The following PLAAT1 variants were observed in gnomAD, a reference collection of about 807,000 sequenced individuals.
The protein encoded by PLAAT1 is H-REV107 protein-related protein.
PLAAT1 carries 13 observed loss-of-function variants against 16.4 expected under a neutral mutation model. The observed-to-expected ratio is 0.79, with a 90% confidence interval of 0.52 to 1.26. The LOEUF is 1.26. Among genes scored for constraint, PLAAT1 ranks in the 50% most tolerant of loss-of-function variants. The pLI, the probability that PLAAT1 is intolerant of heterozygous loss-of-function variation, is 0.00. For missense variants in PLAAT1, 218 were observed against 207.8 expected, an observed-to-expected ratio of 1.05 and a Z score of -0.30; for synonymous variants, 73 against 78.4, an observed-to-expected ratio of 0.93 and a Z score of 0.36.
chr3:193,242,869 A>C (rs545698433), intron 1 of PLAAT1, among the ~76,000 whole-genome samples: 1 of 152,210 alleles, frequency 6.6e-6, no homozygotes, highest in Admixed American at 6.5e-5. Flanking sequence ...GCCTTGGGCC[A>C]GGGGTAGCCT....
Position 193,241,298 on chromosome 3 carries a change from A to G in PLAAT1, c.-236A>G. The stretch of plus-strand genomic sequence containing the variant: ...CGGCCCCCCGGCGTGCGGGCGTCTC[A>G]GAGCCGCGGAGGGGCCGCCGGGACC... On this transcript the variant is annotated 5_prime_UTR_variant, in exon 1 of 4. Coordinates refer to ENST00000264735, the MANE Select transcript of PLAAT1 (RefSeq NM_020386.5). 1.5e-5 allele frequency: 18 copies of G among 1,230,870 alleles called. No homozygotes were observed. The highest frequency in any genetic ancestry group is 1.8e-5 in the Non-Finnish European group (18 of 987,434). 76.2% of individuals were successfully genotyped at this position (1,230,870 alleles called of 1,614,324 possible).
chr3:193,241,979 A>G (rs1283875959), intron 1 of PLAAT1, among the ~76,000 whole-genome samples: 1 of 152,090 alleles, frequency 6.6e-6, no homozygotes, highest in Non-Finnish European at 1.5e-5. Flanking sequence ...TGTGCGAGGC[A>G]CTCTCACCGG....
intron 2 of PLAAT1, among the ~76,000 whole-genome samples, chr3:193,260,265 C>G (rs1453258886): frequency 6.6e-6 from 1 of 152,036 alleles, no homozygotes; most frequent in Admixed American, 6.6e-5. Context: ...AGAAGAAAAC[C>G]TAGGAAACAC....
chr3:193,275,178 T>A (rs1717131741), downstream of PLAAT1: 11 of 1,614,194 alleles, frequency 6.8e-6, no homozygotes, highest in South Asian at 1.1e-5. Context: ...ATCTGTCCTG[T>A]TTATGGGAGG....
downstream of PLAAT1, among the ~76,000 whole-genome samples, chr3:193,273,135 T>C (rs745406366): frequency 6.6e-6 from 1 of 152,176 alleles, no homozygotes; most frequent in Non-Finnish European, 1.5e-5. Context: ...TAAAAAATCT[T>C]TTTATGCTAT....
At chr3:193,246,796 T>A (rs1429984381) in intron 1 of PLAAT1, among the ~76,000 whole-genome samples, 1 of 152,258 alleles carries the variant, frequency 6.6e-6, no homozygotes, top group Non-Finnish European at 1.5e-5. Context: ...TTTGCATTTG[T>A]GTTCATCAGG....
At chr3:193,272,465 C>CAAAACA (rs1553807745), downstream of PLAAT1, among the ~76,000 whole-genome samples, 3 of 151,484 alleles carry the variant, frequency 2.0e-5, no homozygotes, top group Non-Finnish European at 4.4e-5. Flanking sequence ...CAAAACAAAA[C>CAAAACA]AAAAAAACCC....
intron 2 of PLAAT1, among the ~76,000 whole-genome samples, chr3:193,259,903 C>T (rs1716520253): frequency 6.6e-6 from 1 of 151,592 alleles, no homozygotes; most frequent in African/African-American, 2.4e-5. Context: ...AAAAAGAGCC[C>T]AAGTAGCAAA....
intron 1 of PLAAT1, among the ~76,000 whole-genome samples, chr3:193,252,278 GGATCCACTCCCAT>G (rs1317850123): frequency 2.6e-5 from 4 of 152,066 alleles, no homozygotes; most frequent in Non-Finnish European, 5.9e-5. Context: ...CATTCATGAG[GGATCCACTCCCAT>G]GATCCACATG....
chr3:193,265,148 C>A (rs539993071), intron 3 of PLAAT1, among the ~76,000 whole-genome samples: 1 of 152,250 alleles, frequency 6.6e-6, no homozygotes, highest in African/African-American at 2.4e-5. Context: ...CTATTGTAAT[C>A]CTAGGTATAT....
At chr3:193,243,153 A>G (rs1216358018) in intron 1 of PLAAT1, among the ~76,000 whole-genome samples, 1 of 152,236 alleles carries the variant, frequency 6.6e-6, no homozygotes, top group African/African-American at 2.4e-5. Context: ...GCCACTCTTT[A>G]TTATAAACTG....
chr3:193,259,324 G>A (rs1462426261), intron 2 of PLAAT1, among the ~76,000 whole-genome samples: 2 of 152,130 alleles, frequency 1.3e-5, no homozygotes, highest in African/African-American at 2.4e-5. Context: ...AGCAAGATAA[G>A]GGTGTTCACT....
downstream of PLAAT1, chr3:193,279,559 T>A: frequency 1.2e-6 from 1 of 807,026 alleles, no homozygotes; most frequent in Non-Finnish European, 2.1e-6. Context: ...ACCAGATATA[T>A]CTTCAGATGT....
At chr3:193,261,716 G>A (rs1293945584) in intron 2 of PLAAT1, among the ~76,000 whole-genome samples, 1 of 152,102 alleles carries the variant, frequency 6.6e-6, no homozygotes, top group Admixed American at 6.6e-5. Flanking sequence ...CCATATTATT[G>A]TGGTTTGAGC....
chr3:193,262,819 T>C, intron 2 of PLAAT1, 151 bp from the exon 3 acceptor site: 1 of 742,674 alleles, frequency 1.3e-6, no homozygotes, highest in Non-Finnish European at 2.3e-6. Flanking sequence ...AATAACTGCT[T>C]AAGGCTGATG....
chr3:193,279,596 A>G, downstream of PLAAT1: 1 of 640,768 alleles, frequency 1.6e-6, no homozygotes, highest in East Asian at 2.8e-5. Flanking sequence ...ATGTTTTGAA[A>G]TATGTTCTAA....
At chr3:193,252,266 G>C (rs1284047783) in intron 1 of PLAAT1, among the ~76,000 whole-genome samples, 2 of 152,060 alleles carry the variant, frequency 1.3e-5, no homozygotes, top group African/African-American at 4.8e-5. Context: ...GTTGGCATTA[G>C]CCATTCATGA....
At chr3:193,248,213 A>G (rs2108780875) in intron 1 of PLAAT1, among the ~76,000 whole-genome samples, 1 of 152,286 alleles carries the variant, frequency 6.6e-6, no homozygotes, top group African/African-American at 2.4e-5. Context: ...TGATAGAAGT[A>G]TAGCTACTCC....
At chr3:193,277,413 T>C (rs1717270195) in intron 2 of PLAAT1, among the ~76,000 whole-genome samples, 1 of 152,128 alleles carries the variant, frequency 6.6e-6, no homozygotes, top group Admixed American at 6.6e-5. Flanking sequence ...GTGAGAGCCA[T>C]AACTTCCCAC....
Sources: allele counts gnomAD v4.1 joint callset (sites outside exome capture counted in the v4.1 genomes callset), GRCh38; gene constraint gnomAD v4.1.1; transcripts MANE v1.5; gene names NCBI Gene and HGNC (gene_info 2026-07-23, HGNC 2026-07-21).